The following MBD4 variants were observed in gnomAD, a reference collection of about 807,000 sequenced individuals.
The protein encoded by MBD4 is methyl-CpG-binding domain protein 4.
Under a neutral mutation model 60.2 loss-of-function variants are expected in MBD4, and 53 were observed. The ratio of observed to expected loss-of-function variants is 0.88; its 90% CI spans 0.71 to 1.11. The LOEUF (loss-of-function observed/expected upper bound fraction) is 1.11, where lower values mean the gene tolerates loss of function less well. Ranked by LOEUF, MBD4 falls within the 50% of genes least tolerant of loss-of-function variation. The probability of loss-of-function intolerance (pLI) is 0.00; values close to 1 mark genes in which losing one functional copy is unlikely to be tolerated. For missense variants in MBD4, 619 were observed against 674.0 expected (o/e 0.92, Z 0.90); for synonymous variants, 231 against 229.8 (o/e 1.01, Z -0.05).
chr3:129,433,314 T>C (rs2072391846), intron 5 of MBD4, 67 bp from the exon 6 acceptor site: 3 of 1,553,002 alleles, frequency 1.9e-6, no homozygotes, highest in Admixed American at 3.3e-5. Context: ...TCAAGTAGTT[T>C]CTCATAGAAA....
Position 129,436,974 on chromosome 3 carries a change from T to C in MBD4, c.670A>G (p.Asn224Asp), listed in dbSNP as rs2072475855. 1 of 1,614,206 alleles carries C rather than the reference T, an allele frequency of 6.2e-7. No homozygotes were observed. The highest frequency in any genetic ancestry group is 8.5e-7 in the Non-Finnish European group (1 of 1,180,028). ...LKEDEGVDDVNFRKVRKPKGK... is the reference protein window; with the variant it reads ...LKEDEGVDDVDFRKVRKPKGK... The stretch of plus-strand genomic sequence containing the variant: ...TTGGGCTTTCTAACCTTTCTGAAGT[T>C]AACATCATCAACACCCTCATCTTCT... The change falls in exon 3 of 8, where the codon AAC (asparagine) becomes GAC (aspartate). Residue 224 changes from asparagine to aspartate, a missense_variant. Transcript: ENST00000429544.
intron 7 of MBD4, chr3:129,432,047 C>T: frequency 1.4e-6 from 1 of 731,066 alleles, no homozygotes; most frequent in South Asian, 2.2e-5. Context: ...GCCAGGATGA[C>T]CACCAGCATG....
chr3:129,434,674 T>G (rs1037765340), intron 3 of MBD4, among the ~76,000 whole-genome samples: 1 of 152,246 alleles, frequency 6.6e-6, no homozygotes, highest in Admixed American at 6.5e-5. Flanking sequence ...ATACAGAAGT[T>G]AAGAATGAAA....
intron 1 of MBD4, among the ~76,000 whole-genome samples, chr3:129,438,290 A>G (rs566637469): frequency 2.0e-5 from 3 of 152,376 alleles, no homozygotes; most frequent in African/African-American, 7.2e-5. Context: ...TAAGCTCTTA[A>G]GCACCAGAAA....
At position 129,439,875 on chromosome 3, in the gene MBD4, GC is replaced by G; in HGVS notation, c.-43del. 1 of 1,352,594 alleles carries G rather than the reference GC, an allele frequency of 7.4e-7. No homozygotes were observed. The highest frequency in any genetic ancestry group is 1.1e-6 in the Non-Finnish European group (1 of 946,024). The allele number at this position is 1,352,594 out of a possible 1,614,324, so 83.8% of individuals were successfully genotyped here. On this transcript the variant is annotated 5_prime_UTR_variant, in exon 1 of 8. Transcript: ENST00000429544. ...GCAGCAACGAGCCCAGCGCCGCAAC[GC>G]CCAGGGTGTGGGGCGGAGTAAGATG... is the stretch of plus-strand genomic sequence containing the variant.
chr3:129,439,618 G>C (rs903158344), intron 1 of MBD4, 112 bp downstream of exon 1: 2 of 785,062 alleles, frequency 2.5e-6, no homozygotes, highest in Admixed American at 2.0e-5. Flanking sequence ...CGTGGGCTTC[G>C]AGGTTTCTGC....
intron 7 of MBD4, among the ~76,000 whole-genome samples, chr3:129,431,806 A>AT (rs2072349997): frequency 6.6e-6 from 1 of 152,212 alleles, no homozygotes; most frequent in African/African-American, 2.4e-5. Flanking sequence ...CTACTCAACC[A>AT]TGACTTAGAA....
At chr3:129,435,314 C>T (rs1328219166) in intron 3 of MBD4, among the ~76,000 whole-genome samples, 1 of 152,054 alleles carries the variant, frequency 6.6e-6, no homozygotes, top group Admixed American at 6.6e-5. Context: ...TTACTAGTCT[C>T]CTTTATGCCA....
chr3:129,436,386 C>T, intron 3 of MBD4, 75 bp downstream of exon 3: 1 of 1,568,970 alleles, frequency 6.4e-7, no homozygotes. Context: ...ATACAAGATG[C>T]AGCATTATAA....
At position 129,436,571 on chromosome 3, in the gene MBD4, A is replaced by G. The variant is rs2307298; in HGVS notation, c.1073T>C (p.Ile358Thr). ...TTCCACAACTTCTACTTTTGTTCCG[A>G]TTTCTTCAGATTCTAAAAAGGTATC... is the stretch of plus-strand genomic sequence containing the variant. Reference protein sequence around the residue: ...YEDTFLESEEIGTKVEVVERK... With the variant: ...YEDTFLESEETGTKVEVVERK... The change falls in exon 3 of 8, where the codon ATC (isoleucine) becomes ACC (threonine). Residue 358 changes from isoleucine to threonine, a missense_variant. Transcript: ENST00000429544. 0.01 allele frequency: 16,365 copies of G among 1,614,030 alleles called. 84 individuals carry two copies. Among genetic ancestry groups the G allele is most frequent in the Non-Finnish European group, 0.012 (14,304 of 1,179,986 alleles).
chr3:129,432,496 G>C lies in MBD4; in HGVS notation c.1647+7C>G. The C allele has an allele frequency of 6.2e-7, 1 of 1,614,198 alleles. No homozygotes were observed. Among genetic ancestry groups the C allele is most frequent in the Non-Finnish European group, 8.5e-7 (1 of 1,180,038 alleles). ...TGTGCTGAATTATGGATGGGAGTGA[G>C]CCTCACCTGCTTCCACTCATTGACA... On this transcript the variant is annotated splice_region_variant and intron_variant, in intron 7 of 7. Coordinates refer to ENST00000429544, the MANE Select transcript of MBD4 (RefSeq NM_001276270.2).
Position 129,439,828 on chromosome 3 carries a change from G to A in MBD4, c.6C>T (p.Gly2=). The part of the protein sequence containing the change: M[G]TTGLESLSLG... ...GACTCAGACTCTCCAGCCCAGTCGT[G>A]CCCATCGAGCAGGGTCCGGCTGCAG... Residue 2 remains glycine, a synonymous_variant, in exon 1 of 8, where the codon GGC becomes GGT. Transcript: ENST00000429544. 6.2e-7 allele frequency: 1 copy of A among 1,610,192 alleles called. No homozygotes were observed. Among genetic ancestry groups the A allele is most frequent in the Non-Finnish European group, 8.5e-7 (1 of 1,177,950 alleles).
At chr3:129,433,798 T>C in intron 5 of MBD4, 52 bp downstream of exon 5, 1 of 1,612,206 alleles carries the variant, frequency 6.2e-7, no homozygotes, top group East Asian at 2.2e-5. Flanking sequence ...TTCAGTGCTT[T>C]CTCCCTACCA....
intron 3 of MBD4, 102 bp from the exon 4 acceptor site, chr3:129,434,238 G>T: frequency 1.1e-6 from 1 of 928,310 alleles, no homozygotes; most frequent in Non-Finnish European, 1.7e-6. Context: ...AGCATGCCAG[G>T]CACTATTCTA....
At chr3:129,432,344 C>A (rs1246663901) in intron 7 of MBD4, 159 bp downstream of exon 7, 4 of 1,528,730 alleles carry the variant, frequency 2.6e-6, no homozygotes, top group Non-Finnish European at 3.5e-6. Flanking sequence ...TGATCAAAAA[C>A]CCCAAAACCC....
intron 7 of MBD4, 65 bp downstream of exon 7, chr3:129,432,438 T>C: frequency 6.2e-7 from 1 of 1,613,706 alleles, no homozygotes. Flanking sequence ...GTCTTAACCA[T>C]AATGGTGGAC....
intron 5 of MBD4, 121 bp from the exon 6 acceptor site, chr3:129,433,368 A>T: frequency 9.2e-7 from 1 of 1,086,228 alleles, no homozygotes; most frequent in South Asian, 1.4e-5. Flanking sequence ...CAAAAAACAA[A>T]AAAACACTGG....
chr3:129,434,210 A>G, intron 3 of MBD4, 74 bp from the exon 4 acceptor site: 1 of 1,130,582 alleles, frequency 8.8e-7, no homozygotes, highest in Non-Finnish European at 1.3e-6. Flanking sequence ...GCAAATAATA[A>G]TATCAACACT....
In MBD4 at chr3:129,436,926, C is replaced by T. The variant is rs1348960305; in HGVS notation, c.718G>A (p.Gly240Arg). 20 of 1,613,980 alleles carry T rather than the reference C, an allele frequency of 1.2e-5. No individual in the cohort carries two copies. The highest frequency in any genetic ancestry group is 1.7e-5 in the Admixed American group (1 of 59,988). The change falls in exon 3 of 8, where the codon GGA becomes AGA. Residue 240 changes from glycine (G) to arginine (R), a missense_variant. By Grantham distance (125) the Gly-to-Arg change is moderately radical (BLOSUM62 -2). Transcript: ENST00000429544. ...KPKGKVTILKGIPIKKTKKGC... is the reference protein window; with the variant it reads ...KPKGKVTILKRIPIKKTKKGC... ...TTTTTAGTTTTCTTAATTGGGATTCCTTTCAAAATAGTCACCTTTCCTTTG... is the reference window on the plus strand; with the variant it reads ...TTTTTAGTTTTCTTAATTGGGATTCTTTTCAAAATAGTCACCTTTCCTTTG...
Sources: gnomAD v4.1 joint callset for allele counts (sites outside exome capture counted in the v4.1 genomes callset) on GRCh38, gnomAD v4.1.1 for gene constraint, MANE v1.5 for transcripts, NCBI Gene and HGNC (gene_info 2026-07-23, HGNC 2026-07-21) for gene names.